Variants in MCFD2 observed in about 807,000 individuals in gnomAD.
MCFD2 encodes multiple coagulation factor deficiency protein 2.
In MCFD2, 11 loss-of-function variants were observed where a neutral mutation model predicts 12.8. The ratio of observed to expected loss-of-function variants is 0.86; its 90% confidence interval spans 0.54 to 1.42. The LOEUF is 1.42. Ranked by LOEUF, MCFD2 falls within the 40% of genes most tolerant of loss-of-function variation. The pLI is 0.00. For missense variants in MCFD2, 191 were observed against 178.6 expected (o/e 1.07, Z -0.40); for synonymous variants, 70 against 68.1 (o/e 1.03, Z -0.14).
chr2:46,930,061 T>G (rs181823035), intron 1 of MCFD2, among the ~76,000 whole-genome samples: 26 of 152,196 alleles, frequency 1.7e-4, no homozygotes, highest in African/African-American at 2.4e-4. Flanking sequence ...CCCTGAGATT[T>G]TGGGGGGAGT....
At position 46,903,956 on chromosome 2, in the gene MCFD2, G is replaced by A. The variant is rs562121864; in HGVS notation, c.*1507C>T. On this transcript the variant is annotated 3_prime_UTR_variant, in exon 4 of 4. Transcript: ENST00000319466. The stretch of plus-strand genomic sequence containing the variant: ...GGAAAATGTCTCCAGGCCATGTCAG[G>A]GCAGCCCCTGACATGTGTGTGCAGC... 6.6e-6 allele frequency: 1 copy of A among 152,168 alleles called. No individual in the cohort carries two copies. The highest frequency in any genetic ancestry group is 2.1e-4 in the South Asian group (1 of 4,822). 9.4% of individuals were successfully genotyped at this position (152,168 alleles called of 1,614,324 possible). A position where few individuals can be genotyped will look rare whatever the true frequency, so the allele number is the denominator to read the frequency against.
intron 1 of MCFD2, among the ~76,000 whole-genome samples, chr2:46,911,418 G>A (rs145802676): frequency 0.044 from 6,574 of 149,016 alleles, 181 homozygotes; most frequent in Middle Eastern, 0.099. Context: ...ATGAGCCACC[G>A]TGCCCGGCCA....
chr2:46,938,588 A>G (rs1558484947), intron 1 of MCFD2, among the ~76,000 whole-genome samples: 1 of 152,168 alleles, frequency 6.6e-6, no homozygotes, highest in Non-Finnish European at 1.5e-5. Flanking sequence ...TCCTATCCAT[A>G]ATAAGGTCAT....
In MCFD2 at chr2:46,907,259, C is replaced by T. The variant is rs2103740875; in HGVS notation, c.309+551G>A. 1 of 171,676 alleles carries T rather than the reference C, an allele frequency of 5.8e-6. No individual in the cohort carries two copies. Among genetic ancestry groups the T allele is most frequent in the Admixed American group, 5.6e-5 (1 of 17,994 alleles). The allele number at this position is 171,676 out of a possible 1,614,324, so 10.6% of individuals were successfully genotyped here. On this transcript the variant is annotated intron_variant, in intron 3 of 3. Coordinates refer to ENST00000319466, the MANE Select transcript of MCFD2 (RefSeq NM_139279.6). The surrounding 1 kb of genome is among the most constrained non-coding windows in gnomAD (Gnocchi z 4.1). ...GTGTGTAACAGAAATGCCTGTAGCA[C>T]TTAAAGATACAAATGCCCAGCCCTG...
Position 46,941,810 on chromosome 2 carries a change from G to C in MCFD2, c.-246C>G, listed in dbSNP as rs977098720. The C allele has an allele frequency of 1.3e-6, 2 of 1,506,320 alleles. No homozygotes were observed. Among genetic ancestry groups the C allele is most frequent in the Non-Finnish European group, 1.8e-6 (2 of 1,116,270 alleles). 93.3% of individuals were successfully genotyped at this position (1,506,320 alleles called of 1,614,324 possible). ...CAGGAAGCGCGCCCAGACAGTCCTC[G>C]GCCGACAGCGGGCGCCTGCCAGCCC... On this transcript the variant is annotated 5_prime_UTR_variant, in exon 1 of 3. Coordinates refer to the MCFD2 transcript ENST00000409147. The surrounding 1 kb of genome is among the most constrained non-coding windows in gnomAD (Gnocchi z 4.2).
intron 1 of MCFD2, among the ~76,000 whole-genome samples, chr2:46,928,474 A>C (rs1669520843): frequency 6.6e-6 from 1 of 151,272 alleles, no homozygotes; most frequent in African/African-American, 2.4e-5. Context: ...AAAAAAAAAA[A>C]AAAAAAAAAA....
intron 1 of MCFD2, among the ~76,000 whole-genome samples, chr2:46,925,382 A>AC (rs1228631257): frequency 6.6e-6 from 1 of 152,022 alleles, no homozygotes; most frequent in East Asian, 1.9e-4. Flanking sequence ...ACATGGTGAA[A>AC]CCCCATCTCT....
chr2:46,906,677 G>C (rs542814930), intron 3 of MCFD2, among the ~76,000 whole-genome samples: 2 of 151,474 alleles, frequency 1.3e-5, no homozygotes, highest in Non-Finnish European at 2.9e-5. Context: ...TTGTAGAGAC[G>C]GGATATCACC....
At chr2:46,917,820 C>T (rs531562294), upstream of MCFD2, among the ~76,000 whole-genome samples, 1 of 152,344 alleles carries the variant, frequency 6.6e-6, no homozygotes, top group African/African-American at 2.4e-5. Flanking sequence ...GCCAACCACT[C>T]TCACTTAGAA....
At chr2:46,931,177 G>A (rs974269020) in intron 1 of MCFD2, among the ~76,000 whole-genome samples, 1 of 152,224 alleles carries the variant, frequency 6.6e-6, no homozygotes, top group Non-Finnish European at 1.5e-5. Flanking sequence ...GTGCAGTGGT[G>A]CAATCATGGC....
intron 3 of MCFD2, among the ~76,000 whole-genome samples, chr2:46,906,562 T>C (rs988688124): frequency 7.1e-6 from 1 of 140,412 alleles, no homozygotes; most frequent in Non-Finnish European, 1.5e-5. Flanking sequence ...CACAGCTCAC[T>C]GCAGCCTCGA....
upstream of MCFD2, among the ~76,000 whole-genome samples, chr2:46,919,889 G>T (rs1055399493): frequency 2.0e-5 from 3 of 152,224 alleles, no homozygotes; most frequent in Admixed American, 6.5e-5. Flanking sequence ...ACCTCAATGG[G>T]TTGCATGTTC....
rs939319998 is a variant in MCFD2 at position 46,902,143 on chromosome 2, C to G, written c.*3320G>C. 7.9e-5 allele frequency: 12 copies of G among 152,598 alleles called. No homozygotes were observed. The highest frequency in any genetic ancestry group is 2.9e-4 in the African/African-American group (12 of 41,428). The allele number at this position is 152,598 out of a possible 1,614,324, so 9.5% of individuals were successfully genotyped here. On this transcript the variant is annotated 3_prime_UTR_variant, in exon 4 of 4. Transcript: ENST00000319466. ...TCTATTACAGAACGTCCATCACATC[C>G]AATAAACCAAATTACAATCTGCTGC...
chr2:46,918,086 C>G (rs1186566874), upstream of MCFD2, among the ~76,000 whole-genome samples: 1 of 152,174 alleles, frequency 6.6e-6, no homozygotes, highest in Admixed American at 6.5e-5. Flanking sequence ...ATTCCTGGCT[C>G]CTGTAAATAA....
Position 46,907,662 on chromosome 2 carries a change from G to T in MCFD2, c.309+148C>A. 1 of 875,096 alleles carries T rather than the reference G, an allele frequency of 1.1e-6. No homozygotes were observed. Among genetic ancestry groups the T allele is most frequent in the African/African-American group, 1.6e-5 (1 of 60,778 alleles). 54.2% of individuals were successfully genotyped at this position (875,096 alleles called of 1,614,324 possible). A position where few individuals can be genotyped will look rare whatever the true frequency, so the allele number is the denominator to read the frequency against. The stretch of plus-strand genomic sequence containing the variant: ...TCCTTCCACTTTGGCCTCCCAAAGT[G>T]CTGGGATTACAGATGCGAGCCATCA... On this transcript the variant is annotated intron_variant, in intron 3 of 3. Transcript: ENST00000319466. This position sits in a 1 kb window ranked among gnomAD's most constrained non-coding sequence, Gnocchi z 4.1.
chr2:46,931,969 T>G (rs1175588432), intron 1 of MCFD2, among the ~76,000 whole-genome samples: 1 of 152,200 alleles, frequency 6.6e-6, no homozygotes, highest in Non-Finnish European at 1.5e-5. Context: ...AATCAAAGTA[T>G]TTCACCATAT....
chr2:46,928,845 G>A (rs71423929), intron 1 of MCFD2, among the ~76,000 whole-genome samples: 6,274 of 152,182 alleles, frequency 0.041, 164 homozygotes, highest in Middle Eastern at 0.088. Context: ...AGAGGGGTAG[G>A]GGGGGAAGCT....
In MCFD2 at chr2:46,941,493, C is replaced by T. The variant is rs1233549789; in HGVS notation, c.-8+79G>A. The T allele has an allele frequency of 1.3e-6, 2 of 1,525,510 alleles. No homozygotes were observed. Among genetic ancestry groups the T allele is most frequent in the Non-Finnish European group, 1.8e-6 (2 of 1,135,024 alleles). 94.5% of individuals were successfully genotyped at this position (1,525,510 alleles called of 1,614,324 possible). ...CCCCAGCCAGGACGCCGCCCCCGGC[C>T]GGGTCTCCACTTCTTGGCCGCACCT... On this transcript the variant is annotated intron_variant, in intron 1 of 2. Transcript: ENST00000409147. The surrounding 1 kb of genome is among the most constrained non-coding windows in gnomAD (Gnocchi z 4.2).
intron 1 of MCFD2, among the ~76,000 whole-genome samples, chr2:46,933,526 G>A (rs1669817754): frequency 6.6e-6 from 1 of 152,214 alleles, no homozygotes; most frequent in South Asian, 2.1e-4. Flanking sequence ...CATATAGCCA[G>A]CTCCTGGCAG....
Sources: allele counts gnomAD v4.1 joint callset (sites outside exome capture counted in the v4.1 genomes callset), GRCh38; gene constraint gnomAD v4.1.1; non-coding constraint Gnocchi (gnomAD v3.1); transcripts MANE v1.5; gene names NCBI Gene and HGNC (gene_info 2026-07-23, HGNC 2026-07-21).